THADA: variants seen among roughly 807,000 people sequenced by gnomAD.
THADA encodes the protein tRNA (32-2'-O)-methyltransferase regulator THADA.
Under a neutral mutation model 219.8 loss-of-function variants are expected in THADA, and 213 were observed. That is an observed-to-expected ratio of 0.97 (90% CI 0.87 to 1.09). THADA has a LOEUF of 1.09. THADA is among the 50% of genes least tolerant of loss of function. The pLI is 0.00. For missense variants in THADA, 2,956 were observed against 2,311.3 expected (o/e 1.28, Z -5.72); for synonymous variants, 1,018 against 828.9 (o/e 1.23, Z -3.92).
At position 43,286,927 on chromosome 2, in the gene THADA, G is replaced by A; in HGVS notation, c.5145C>T (p.Thr1715=). The A allele has an allele frequency of 6.2e-7, 1 of 1,613,176 alleles. No homozygotes were observed. Among genetic ancestry groups the A allele is most frequent in the Non-Finnish European group, 8.5e-7 (1 of 1,179,194 alleles). Reference sequence around the variant, plus strand: ...ACTTACCAAGAATAGGATGGGGGTTGGTGAGGAAAAGTGGTGTAGTACTGG... The same window carrying A: ...ACTTACCAAGAATAGGATGGGGGTTAGTGAGGAAAAGTGGTGTAGTACTGG... ...VLTSTTPLFL[T]NPHPILELQD... is the part of the protein sequence containing the mutation. The change falls in exon 35 of 38, where the codon ACC becomes ACT. Residue 1715 remains threonine (T), a synonymous_variant. Coordinates refer to ENST00000405975, the MANE Select transcript of THADA (RefSeq NM_022065.5).
chr2:43,381,050 A>T (rs2104654990), intron 29 of THADA, among the ~76,000 whole-genome samples: 1 of 143,800 alleles, frequency 7.0e-6, no homozygotes, highest in Non-Finnish European at 1.5e-5. Flanking sequence ...GTGAGCCAAG[A>T]TCGTGCCACT....
chr2:43,453,151 A>G (rs1473214111), intron 26 of THADA, among the ~76,000 whole-genome samples: 1 of 152,246 alleles, frequency 6.6e-6, no homozygotes, highest in Non-Finnish European at 1.5e-5. Context: ...AATGCTGTCT[A>G]TAGGTATGAT....
chr2:43,473,209 C>T (rs1685120658), intron 26 of THADA, among the ~76,000 whole-genome samples: 1 of 152,168 alleles, frequency 6.6e-6, no homozygotes, highest in African/African-American at 2.4e-5. Flanking sequence ...CATTATTCAG[C>T]TGTACAAAAA....
intron 36 of THADA, among the ~76,000 whole-genome samples, chr2:43,254,684 A>C (rs1670130731): frequency 6.6e-6 from 1 of 152,128 alleles, no homozygotes; most frequent in Non-Finnish European, 1.5e-5. Context: ...GGCTGTAATG[A>C]ACTTTCCTCC....
At chr2:43,292,254 GAAAT>G (rs749766574) in intron 32 of THADA, 32 bp from the exon 33 acceptor site, 3 of 1,361,186 alleles carry the variant, frequency 2.2e-6, no homozygotes, top group East Asian at 2.4e-5. Context: ...ACAAAAAAGA[GAAAT>G]AAATACTCAG....
intron 5 of THADA, 46 bp downstream of exon 5, chr2:43,586,808 A>AT: frequency 6.2e-7 from 1 of 1,612,172 alleles, no homozygotes; most frequent in East Asian, 2.2e-5. Flanking sequence ...CTATGATGTG[A>AT]TGAGAGGGGT....
intron 31 of THADA, among the ~76,000 whole-genome samples, chr2:43,311,075 C>G (rs1177549162): frequency 1.3e-5 from 2 of 152,006 alleles, no homozygotes; most frequent in Non-Finnish European, 2.9e-5. Context: ...ACTTGGGAGG[C>G]TGAGGCAGGA....
At chr2:43,344,977 A>C (rs1273068092) in intron 29 of THADA, among the ~76,000 whole-genome samples, 1 of 152,244 alleles carries the variant, frequency 6.6e-6, no homozygotes, top group Non-Finnish European at 1.5e-5. Context: ...AGATCTTTTG[A>C]CCTTGGCTAG....
chr2:43,387,831 G>T (rs543543338), intron 29 of THADA, among the ~76,000 whole-genome samples: 4 of 152,248 alleles, frequency 2.6e-5, no homozygotes, highest in African/African-American at 9.6e-5. Context: ...AAAAGCAAAG[G>T]GTGAAGTGGG....
At chr2:43,531,303 G>A (rs1009400903) in intron 21 of THADA, among the ~76,000 whole-genome samples, 3 of 152,240 alleles carry the variant, frequency 2.0e-5, no homozygotes, top group Non-Finnish European at 4.4e-5. Context: ...CATGAGAAGA[G>A]GCTGGGAGAC....
At chr2:43,543,302 C>G (rs1048439215) in intron 20 of THADA, among the ~76,000 whole-genome samples, 3 of 137,548 alleles carry the variant, frequency 2.2e-5, no homozygotes, top group African/African-American at 5.7e-5. Context: ...GCTTCCAAGT[C>G]TTTGCTATTG....
intron 31 of THADA, among the ~76,000 whole-genome samples, chr2:43,300,874 G>A (rs1052990902): frequency 1.3e-5 from 2 of 152,170 alleles, no homozygotes; most frequent in South Asian, 2.1e-4. Flanking sequence ...CTGCTGCCTC[G>A]ACCTCACCCC....
chr2:43,478,236 C>A (rs1685774975), intron 26 of THADA, among the ~76,000 whole-genome samples: 1 of 152,148 alleles, frequency 6.6e-6, no homozygotes, highest in Non-Finnish European at 1.5e-5. Context: ...ACAACAATAG[C>A]TGGAAATTCC....
chr2:43,361,921 C>A (rs952376244), intron 29 of THADA, among the ~76,000 whole-genome samples: 1 of 152,096 alleles, frequency 6.6e-6, no homozygotes, highest in African/African-American at 2.4e-5. Context: ...TAGTTATGAC[C>A]CTCAAGAGGT....
intron 36 of THADA, among the ~76,000 whole-genome samples, chr2:43,269,848 G>A (rs776712676): frequency 5.3e-5 from 8 of 152,120 alleles, no homozygotes; most frequent in East Asian, 1.9e-4. Context: ...AGCCAGCTAC[G>A]GAGAGAGGCC....
At chr2:43,278,586 C>G (rs896024695) in intron 36 of THADA, among the ~76,000 whole-genome samples, 4 of 152,214 alleles carry the variant, frequency 2.6e-5, no homozygotes, top group Non-Finnish European at 5.9e-5. Flanking sequence ...ACTTGCAGCT[C>G]TGTTCCAAAT....
At chr2:43,540,324 T>G (rs1387617871) in intron 21 of THADA, among the ~76,000 whole-genome samples, 1 of 152,144 alleles carries the variant, frequency 6.6e-6, no homozygotes, top group Non-Finnish European at 1.5e-5. Context: ...GTTAACCAGA[T>G]GCATGCAACA....
intron 36 of THADA, among the ~76,000 whole-genome samples, chr2:43,252,514 C>A (rs1330149147): frequency 6.6e-6 from 1 of 152,128 alleles, no homozygotes; most frequent in African/African-American, 2.4e-5. Flanking sequence ...GGGATTTAAG[C>A]CACATAGTCT....
intron 12 of THADA, 151 bp downstream of exon 12, chr2:43,572,663 T>G: frequency 1.7e-6 from 1 of 597,810 alleles, no homozygotes; most frequent in Non-Finnish European, 2.6e-6. Flanking sequence ...AAGGGCCTAC[T>G]GAAAGTTTAG....
Sources: gnomAD v4.1 joint callset for allele counts (sites outside exome capture counted in the v4.1 genomes callset) on GRCh38, gnomAD v4.1.1 for gene constraint, MANE v1.5 for transcripts, NCBI Gene and HGNC (gene_info 2026-07-23, HGNC 2026-07-21) for gene names.